MTHFD1L: variants seen among roughly 807,000 people sequenced by gnomAD.
MTHFD1L encodes the protein methylenetetrahydrofolate dehydrogenase (NADP+ dependent) 1 like.
A neutral mutation model predicts 119.5 loss-of-function variants in MTHFD1L; 81 were observed. The observed-to-expected ratio is 0.68, with a 90% CI of 0.57 to 0.82. The LOEUF (loss-of-function observed/expected upper bound fraction) is 0.82. MTHFD1L is among the 40% of genes least tolerant of loss of function. The probability of loss-of-function intolerance (pLI) is 0.00; values close to 1 mark genes in which losing one functional copy is unlikely to be tolerated. For synonymous variants in MTHFD1L, 430 were observed against 475.2 expected (o/e 0.90, Z 1.24); for missense variants, 1,125 against 1,253.4 (o/e 0.90, Z 1.55).
chr6:151,099,711 C>G, intron 27 of MTHFD1L: 1 of 1,610,728 alleles, frequency 6.2e-7, no homozygotes, highest in Non-Finnish European at 8.5e-7. Flanking sequence ...GTTATGGGAG[C>G]AACAAAAAAA....
intron 1 of MTHFD1L, among the ~76,000 whole-genome samples, chr6:150,872,111 C>T (rs961506553): frequency 1.4e-4 from 20 of 147,538 alleles, no homozygotes; most frequent in African/African-American, 4.5e-4. Flanking sequence ...CTCCTGACCT[C>T]GTGATCCGCC....
chr6:150,905,838 G>A, intron 8 of MTHFD1L, 77 bp downstream of exon 8: 2 of 1,176,450 alleles, frequency 1.7e-6, no homozygotes, highest in East Asian at 2.4e-5. Flanking sequence ...TTCCTAAGAG[G>A]TTATGTTTCT....
At chr6:150,875,642 C>T (rs1780314905) in intron 1 of MTHFD1L, among the ~76,000 whole-genome samples, 1 of 151,808 alleles carries the variant, frequency 6.6e-6, no homozygotes, top group Admixed American at 6.6e-5. Flanking sequence ...AACAGTGAGC[C>T]CCCTGTCTTC....
chr6:151,095,226 A>G (rs1794802845), intron 27 of MTHFD1L, among the ~76,000 whole-genome samples: 1 of 152,226 alleles, frequency 6.6e-6, no homozygotes, highest in Non-Finnish European at 1.5e-5. Flanking sequence ...TCAAGTGTTG[A>G]TAAAATGTTG....
intron 24 of MTHFD1L, among the ~76,000 whole-genome samples, chr6:151,024,934 C>T (rs1460364560): frequency 2.0e-5 from 3 of 152,142 alleles, no homozygotes; most frequent in Non-Finnish European, 2.9e-5. Context: ...GCAGAGTGCT[C>T]GAACCAGTCA....
intron 16 of MTHFD1L, among the ~76,000 whole-genome samples, chr6:150,949,562 T>A (rs1794555035): frequency 6.6e-6 from 1 of 152,166 alleles, no homozygotes; most frequent in Non-Finnish European, 1.5e-5. Context: ...CAGCTCTCTG[T>A]GTGTTTCCAG....
chr6:151,048,123 A>C (rs202202199), intron 26 of MTHFD1L, among the ~76,000 whole-genome samples: 1 of 152,094 alleles, frequency 6.6e-6, no homozygotes, highest in Admixed American at 6.5e-5. Flanking sequence ...AACACTGAAG[A>C]TCATAATTCA....
At chr6:151,009,122 C>CA (rs59189384) in intron 20 of MTHFD1L, among the ~76,000 whole-genome samples, 1,079 of 96,732 alleles carry the variant, frequency 0.011, 11 homozygotes, top group Middle Eastern at 0.034. Flanking sequence ...AACTCCATCT[C>CA]AAAAAAAAAA....
chr6:150,876,208 T>C, intron 2 of MTHFD1L, 34 bp downstream of exon 2: 1 of 1,452,502 alleles, frequency 6.9e-7, no homozygotes, highest in South Asian at 1.3e-5. Flanking sequence ...CCTACTATTT[T>C]AGGATGCCTT....
intron 1 of MTHFD1L, among the ~76,000 whole-genome samples, chr6:150,867,762 G>T (rs1343409613): frequency 1.3e-5 from 2 of 151,362 alleles, no homozygotes; most frequent in East Asian, 1.9e-4. Flanking sequence ...TTCAAGATTT[G>T]GGGTCATCTG....
intron 26 of MTHFD1L, among the ~76,000 whole-genome samples, chr6:151,085,693 G>A (rs762197102): frequency 3.9e-5 from 6 of 152,028 alleles, no homozygotes; most frequent in Non-Finnish European, 7.4e-5. Flanking sequence ...ATCACTTGAG[G>A]CCAGGAGGCA....
At chr6:151,030,044 C>A (rs1785117130) in intron 24 of MTHFD1L, among the ~76,000 whole-genome samples, 1 of 152,186 alleles carries the variant, frequency 6.6e-6, no homozygotes, top group Admixed American at 6.5e-5. Context: ...GTCCTCCCTA[C>A]CGTTCTCACT....
At chr6:150,872,119 G>A (rs1159429156) in intron 1 of MTHFD1L, among the ~76,000 whole-genome samples, 5 of 151,730 alleles carry the variant, frequency 3.3e-5, no homozygotes, top group Admixed American at 2.6e-4. Flanking sequence ...CTCGTGATCC[G>A]CCCGCCTCGG....
Position 150,938,765 on chromosome 6 carries a change from C to A in MTHFD1L, c.1440+20C>A, listed in dbSNP as rs375868370. 1.9e-6 allele frequency: 3 copies of A among 1,596,398 alleles called. No homozygotes were observed. Among genetic ancestry groups the A allele is most frequent in the African/African-American group, 2.7e-5 (2 of 74,838 alleles). Reference sequence around the variant, plus strand: ...GAGGAGGTAAGACCTTGAAGAGATGCGGGTCAGCTATCACTGTGTTTCCTT... The same window carrying A: ...GAGGAGGTAAGACCTTGAAGAGATGAGGGTCAGCTATCACTGTGTTTCCTT... On this transcript the variant is annotated intron_variant, in intron 13 of 27. Transcript: ENST00000367321.
rs1351412221 is a variant in MTHFD1L at position 150,877,777 on chromosome 6, G to C, written c.368G>C (p.Gly123Ala). Residue 123 changes from glycine (G) to alanine (A), a missense_variant, in exon 4 of 28, where the codon GGT (glycine) becomes GCT (alanine). By Grantham distance (60) the Gly-to-Ala change is moderately conservative (BLOSUM62 0). Coordinates refer to ENST00000367321, the MANE Select transcript of MTHFD1L (RefSeq NM_015440.5). ...EINQNLAEEA[G>A]LNITHICLPP... Reference sequence around the variant, plus strand: ...AACCTTGTGTTCCTTTTTCAGGCTGGTCTGAACATCACTCACATTTGCCTC... The same window carrying C: ...AACCTTGTGTTCCTTTTTCAGGCTGCTCTGAACATCACTCACATTTGCCTC... The C allele has an allele frequency of 1.2e-6, 2 of 1,614,156 alleles. No individual in the cohort carries two copies. Among genetic ancestry groups the C allele is most frequent in the Non-Finnish European group, 1.7e-6 (2 of 1,180,024 alleles).
intron 26 of MTHFD1L, among the ~76,000 whole-genome samples, chr6:151,075,273 C>T (rs9383555): frequency 4.0e-5 from 6 of 151,874 alleles, no homozygotes; most frequent in African/African-American, 1.5e-4. Flanking sequence ...CTTTTTAAAT[C>T]TAAAGACATA....
In MTHFD1L at chr6:151,060,537, A is replaced by C. The variant is rs1362132395; in HGVS notation, c.2847+23420A>C. Among the ~76,000 whole-genome samples the C allele has an allele frequency of 2.0e-5, 3 of 152,306 alleles. No individual in the cohort carries two copies. The East Asian group carries it at 5.8e-4, about 29-fold the overall frequency. ...CCCTGCTCCAGGAGCCAGGGAGCAG[A>C]TGCCATGGGGGGCTGGCAGGGATAG... is the stretch of plus-strand genomic sequence containing the variant. On this transcript the variant is annotated intron_variant, in intron 26 of 27. Transcript: ENST00000367321.
chr6:151,096,617 C>T (rs914630762), intron 27 of MTHFD1L, among the ~76,000 whole-genome samples: 46 of 152,154 alleles, frequency 3.0e-4, no homozygotes, highest in Non-Finnish European at 1.6e-4. Context: ...CTTGGACAAA[C>T]GTGGGCATCT....
At chr6:150,967,152 G>A (rs1797332874) in intron 19 of MTHFD1L, among the ~76,000 whole-genome samples, 1 of 152,164 alleles carries the variant, frequency 6.6e-6, no homozygotes, top group Admixed American at 6.5e-5. Context: ...CCCAGCTCTT[G>A]TCTGTCACTG....
Sources: gnomAD v4.1 joint callset for allele counts (sites outside exome capture counted in the v4.1 genomes callset) on GRCh38, gnomAD v4.1.1 for gene constraint, MANE v1.5 for transcripts, NCBI Gene and HGNC (gene_info 2026-07-23, HGNC 2026-07-21) for gene names.